Variants in GATC observed in about 807,000 individuals in gnomAD.
The protein encoded by GATC is glutamyl-tRNA(Gln) amidotransferase subunit C, mitochondrial.
GATC carries 11 observed loss-of-function variants against 14.4 expected under a neutral mutation model. The observed-to-expected ratio is 0.77, with a 90% CI of 0.48 to 1.27. GATC has a LOEUF of 1.27. Ranked by LOEUF, GATC falls within the 50% of genes most tolerant of loss-of-function variation. The pLI, the probability that GATC is intolerant of heterozygous loss-of-function variation, is 0.00. For synonymous variants in GATC, 76 were observed against 79.3 expected (o/e 0.96, Z 0.22); for missense variants, 204 against 183.0 (o/e 1.11, Z -0.66).
Position 120,460,645 on chromosome 12 carries a change from A to C in GATC, c.*686A>C, listed in dbSNP as rs2137047064. On this transcript the variant is annotated 3_prime_UTR_variant, in exon 4 of 4. Transcript: ENST00000551765. Reference sequence around the variant, plus strand: ...ACAAAGGAGCCCTCTCCGCCCCCAAAATGATTATTAAATTGAGATGAGTCC... The same window carrying C: ...ACAAAGGAGCCCTCTCCGCCCCCAACATGATTATTAAATTGAGATGAGTCC... 1 of 152,280 alleles carries C rather than the reference A, an allele frequency of 6.6e-6. No homozygotes were observed. Among genetic ancestry groups the C allele is most frequent in the Middle Eastern group, 3.4e-3 (1 of 294 alleles). 9.4% of individuals were successfully genotyped at this position (152,280 alleles called of 1,614,324 possible).
Position 120,446,725 on chromosome 12 carries a change from C to T in GATC, c.150C>T (p.Ser50=). The stretch of plus-strand genomic sequence containing the variant: ...GTCTAGCGCTTGTGGACTTCGGCAG[C>T]CGCGAGGCAGTGGCGCGACTGGAGA... The part of the protein sequence containing the change: ...LERLALVDFG[S]REAVARLEKA... Residue 50 remains serine (S), a synonymous_variant, in exon 2 of 4, where the codon AGC becomes AGT. Coordinates refer to ENST00000551765, the MANE Select transcript of GATC (RefSeq NM_176818.3). 5 of 1,613,962 alleles carry T rather than the reference C, an allele frequency of 3.1e-6. No individual in the cohort carries two copies. Among genetic ancestry groups the T allele is most frequent in the Non-Finnish European group, 4.2e-6 (5 of 1,180,008 alleles).
intron 2 of GATC, chr12:120,450,931 C>T (rs1472133246): frequency 6.6e-6 from 1 of 152,104 alleles, no homozygotes; most frequent in East Asian, 1.9e-4. Context: ...CACTTTAGGT[C>T]AGGAGTTCGA....
Position 120,461,052 on chromosome 12 carries a change from C to T in GATC, c.*1093C>T, listed in dbSNP as rs1367960113. The T allele has an allele frequency of 1.3e-5, 2 of 151,378 alleles. No individual in the cohort carries two copies. Among genetic ancestry groups the T allele is most frequent in the Admixed American group, 1.3e-4 (2 of 15,192 alleles). 9.4% of individuals were successfully genotyped at this position (151,378 alleles called of 1,614,324 possible). A position where few individuals can be genotyped will look rare whatever the true frequency, so the allele number is the denominator to read the frequency against. ...AGAGTTTTTCCTCTAACCAAACTGCCAAAGTTGGTTTTGGCTAAGAATTTC... is the reference window on the plus strand; with the variant it reads ...AGAGTTTTTCCTCTAACCAAACTGCTAAAGTTGGTTTTGGCTAAGAATTTC... On this transcript the variant is annotated 3_prime_UTR_variant, in exon 4 of 4. Transcript: ENST00000551765.
chr12:120,452,677 T>C (rs986899949), intron 2 of GATC, among the ~76,000 whole-genome samples: 5 of 152,094 alleles, frequency 3.3e-5, no homozygotes, highest in African/African-American at 1.2e-4. Context: ...GCTGGCATTA[T>C]AGGCATGAGC....
At chr12:120,459,006 G>A (rs1241746335) in intron 3 of GATC, among the ~76,000 whole-genome samples, 2 of 152,046 alleles carry the variant, frequency 1.3e-5, no homozygotes, top group African/African-American at 4.8e-5. Context: ...GACTACAGGC[G>A]CCCACCACAA....
At chr12:120,457,286 T>G in intron 3 of GATC, 107 bp downstream of exon 3, 1 of 810,940 alleles carries the variant, frequency 1.2e-6, no homozygotes, top group East Asian at 2.6e-5. Flanking sequence ...TTGAAAAGGA[T>G]GAAGTGCATA....
In GATC at chr12:120,446,871, G is replaced by T. The variant is rs763298380; in HGVS notation, c.254+42G>T. ...AGCCCCGAAGCCTTGACCGTGGCCC[G>T]TTCGCAGCCGTTTAATGTGACGATT... is the stretch of plus-strand genomic sequence containing the variant. On this transcript the variant is annotated intron_variant, in intron 2 of 3. Transcript: ENST00000551765. 3.9e-6 allele frequency: 6 copies of T among 1,534,278 alleles called. No homozygotes were observed. In the South Asian group the frequency reaches 7.3e-5, roughly 19 times the overall value.
In GATC at chr12:120,451,875, C is replaced by CTTTTTTTTTTTTTTTTTTTTTTTT. The variant is rs1170221029; in HGVS notation, c.254+5066_254+5067insTTTTTTTTTTTTTTTTTTTTTTTT. 1.4e-4 allele frequency among the ~76,000 whole-genome samples: 13 copies of CTTTTTTTTTTTTTTTTTTTTTTTT among 90,792 alleles called. 4 individuals are homozygous for CTTTTTTTTTTTTTTTTTTTTTTTT. The highest frequency in any genetic ancestry group is 3.3e-4 in the African/African-American group (8 of 23,934). 59.6% of individuals were successfully genotyped at this position (90,792 alleles called of 152,430 possible). A position where few individuals can be genotyped will look rare whatever the true frequency, so the allele number is the denominator to read the frequency against. The stretch of plus-strand genomic sequence containing the variant: ...CAGGGGCTAATAAATTATATAAATT[C>CTTTTTTTTTTTTTTTTTTTTTTTT]TTTTTTTTTTTTTTTTTTTTGAGCT... On this transcript the variant is annotated intron_variant, in intron 2 of 3. Transcript: ENST00000551765.
intron 2 of GATC, among the ~76,000 whole-genome samples, chr12:120,447,130 G>A (rs1877897512): frequency 6.7e-6 from 1 of 149,604 alleles, no homozygotes. Context: ...AGGCTGGAGT[G>A]CAGTGGCTCG....
intron 2 of GATC, among the ~76,000 whole-genome samples, chr12:120,455,410 C>T (rs1360587567): frequency 6.6e-6 from 1 of 152,042 alleles, no homozygotes. Context: ...TTCAGGTGAT[C>T]CACCCGCCTT....
chr12:120,462,394 AAC>A lies in GATC; in HGVS notation c.*2439_*2440del. ...TTAAGTTATATCATTTGCCCAAGGT[AAC>A]ACAATAAATGCCAATTTGACATGTT... On this transcript the variant is annotated 3_prime_UTR_variant, in exon 4 of 4. Transcript: ENST00000551765. The A allele has an allele frequency of 4.9e-6, 2 of 408,614 alleles. No homozygotes were observed. Among genetic ancestry groups the A allele is most frequent in the East Asian group, 4.1e-5 (1 of 24,114 alleles). 25.3% of individuals were successfully genotyped at this position (408,614 alleles called of 1,614,324 possible).
rs990143967 is a variant in GATC, at chr12:120,449,581, G to A, written c.254+2752G>A. Among the ~76,000 whole-genome samples, 9 of 151,826 alleles carry A rather than the reference G, an allele frequency of 5.9e-5. No individual in the cohort carries two copies. In the South Asian group the frequency reaches 6.2e-4, roughly 11 times the overall value. On this transcript the variant is annotated intron_variant, in intron 2 of 3. Coordinates refer to ENST00000551765, the MANE Select transcript of GATC (RefSeq NM_176818.3). ...TCTTGCCTCAGCTTCCCGAGCACCC[G>A]GGATTACAGGCATGCACCACCATGC...
At position 120,462,890 on chromosome 12, in the gene GATC, C is replaced by T. The variant is rs750929316; in HGVS notation, c.*2931C>T. 1 of 152,196 alleles carries T rather than the reference C, an allele frequency of 6.6e-6. No homozygotes were observed. Among genetic ancestry groups the T allele is most frequent in the Non-Finnish European group, 1.5e-5 (1 of 68,044 alleles). 9.4% of individuals were successfully genotyped at this position (152,196 alleles called of 1,614,324 possible). ...GTAATTGGAGTTACCCTTTCTGAGGCCCTGCTTTGCAGTATAACTGAGGAT... is the reference window on the plus strand; with the variant it reads ...GTAATTGGAGTTACCCTTTCTGAGGTCCTGCTTTGCAGTATAACTGAGGAT... On this transcript the variant is annotated 3_prime_UTR_variant, in exon 4 of 4. Coordinates refer to ENST00000551765, the MANE Select transcript of GATC (RefSeq NM_176818.3).
At chr12:120,455,495 C>G (rs977764745) in intron 2 of GATC, among the ~76,000 whole-genome samples, 5 of 151,988 alleles carry the variant, frequency 3.3e-5, no homozygotes, top group East Asian at 1.9e-4. Flanking sequence ...CGCCGCCCCC[C>G]TCCAAGAAAT....
In GATC at chr12:120,462,266, C is replaced by T; in HGVS notation, c.*2307C>T. ...ATAATAGTTAAGTATTGAGCACTTACTGTGTACTCTGTGCCTGGCATGAGG... is the reference window on the plus strand; with the variant it reads ...ATAATAGTTAAGTATTGAGCACTTATTGTGTACTCTGTGCCTGGCATGAGG... On this transcript the variant is annotated 3_prime_UTR_variant, in exon 4 of 4. Coordinates refer to ENST00000551765, the MANE Select transcript of GATC (RefSeq NM_176818.3). 1.6e-6 allele frequency: 2 copies of T among 1,217,966 alleles called. No individual in the cohort carries two copies. The highest frequency in any genetic ancestry group is 2.5e-5 in the Admixed American group (1 of 40,630). 75.4% of individuals were successfully genotyped at this position (1,217,966 alleles called of 1,614,324 possible). A position where few individuals can be genotyped will look rare whatever the true frequency, so the allele number is the denominator to read the frequency against.
rs751030393 is a variant in GATC at position 120,457,156 on chromosome 12, A to G, written c.335A>G (p.Glu112Gly). The G allele has an allele frequency of 7.4e-6, 12 of 1,613,744 alleles. No homozygotes were observed. The highest frequency in any genetic ancestry group is 6.6e-5 in the South Asian group (6 of 91,072). The stretch of plus-strand genomic sequence containing the variant: ...CTACAAAACTCCCATCGCGTCGTGG[A>G]GGAGTACTTTGTGGCCCCCCCAGGT... ...ELLQNSHRVV[E>G]EYFVAPPGNI... is the part of the protein sequence containing the mutation. The change falls in exon 3 of 4, where the codon GAG becomes GGG. Residue 112 changes from glutamate to glycine, a missense_variant. Physicochemically the swap from Glu to Gly is moderately conservative, Grantham distance 98. Transcript: ENST00000551765.
intron 2 of GATC, among the ~76,000 whole-genome samples, chr12:120,454,026 C>T (rs1476476258): frequency 1.3e-5 from 2 of 152,096 alleles, no homozygotes; most frequent in Non-Finnish European, 2.9e-5. Flanking sequence ...AATTATGAAA[C>T]TTGATTACTT....
Position 120,447,921 on chromosome 12 carries a change from T to C in GATC, c.254+1092T>C, listed in dbSNP as rs138811425. On this transcript the variant is annotated intron_variant, in intron 2 of 3. Coordinates refer to ENST00000551765, the MANE Select transcript of GATC (RefSeq NM_176818.3). ...GGCGCGTGCCACTTGGCCTGGCTAA[T>C]TTTTTGTATTTTTGATAGAGACGGG... Among the ~76,000 whole-genome samples, 5 of 151,852 alleles carry C rather than the reference T, an allele frequency of 3.3e-5. No individual in the cohort carries two copies. In the East Asian group the frequency reaches 9.7e-4, roughly 30 times the overall value.
In GATC at chr12:120,459,847, T is replaced by C. The variant is rs746678771; in HGVS notation, c.359-60T>C. The C allele has an allele frequency of 3.7e-6, 5 of 1,354,892 alleles. 1 individual carries two copies. The South Asian group carries it at 6.0e-5, about 16-fold the overall frequency. The allele number at this position is 1,354,892 out of a possible 1,614,324, so 83.9% of individuals were successfully genotyped here. A position where few individuals can be genotyped will look rare whatever the true frequency, so the allele number is the denominator to read the frequency against. On this transcript the variant is annotated intron_variant, in intron 3 of 3. Transcript: ENST00000551765. ...ACTCCAGCCTGGGCAACAGCGAGACTCTGTCTCAAAACAAAAACAAACAAA... is the reference window on the plus strand; with the variant it reads ...ACTCCAGCCTGGGCAACAGCGAGACCCTGTCTCAAAACAAAAACAAACAAA...
Sources: gnomAD v4.1 joint callset for allele counts (sites outside exome capture counted in the v4.1 genomes callset) on GRCh38, gnomAD v4.1.1 for gene constraint, MANE v1.5 for transcripts, NCBI Gene and HGNC (gene_info 2026-07-23, HGNC 2026-07-21) for gene names.